LRP1B: variants seen among roughly 807,000 people sequenced by gnomAD.
LRP1B encodes the protein LDL receptor related protein 1B.
A neutral mutation model predicts 556.6 loss-of-function variants in LRP1B; 217 were observed. The ratio of observed to expected loss-of-function variants is 0.39; its 90% CI spans 0.35 to 0.44. The LOEUF (loss-of-function observed/expected upper bound fraction) is 0.44. LRP1B is among the 20% of genes least tolerant of loss of function. The pLI is 1.00. For missense variants in LRP1B, 5,053 were observed against 5,620.8 expected, an observed-to-expected ratio of 0.90 and a Z score of 3.23; for synonymous variants, 2,047 against 1,865.8, an observed-to-expected ratio of 1.10 and a Z score of -2.50.
intron 83 of LRP1B, among the ~76,000 whole-genome samples, chr2:140,304,715 C>T (rs2105014972): frequency 6.6e-6 from 1 of 152,282 alleles, no homozygotes; most frequent in Admixed American, 6.5e-5. Flanking sequence ...GTGTTTTAGA[C>T]ATGAAGTTCT....
At chr2:141,856,628 T>G (rs1698060859) in intron 1 of LRP1B, among the ~76,000 whole-genome samples, 1 of 152,148 alleles carries the variant, frequency 6.6e-6, no homozygotes, top group Non-Finnish European at 1.5e-5. Context: ...TTTTCTTGCA[T>G]TTTTAAAAAT....
At chr2:141,475,662 A>G (rs1466112414) in intron 3 of LRP1B, among the ~76,000 whole-genome samples, 2 of 152,056 alleles carry the variant, frequency 1.3e-5, no homozygotes, top group Non-Finnish European at 2.9e-5. Context: ...CTCCACAAAG[A>G]GAAGAATAAA....
intron 7 of LRP1B, among the ~76,000 whole-genome samples, chr2:141,101,304 C>A (rs142355506): frequency 6.6e-6 from 1 of 152,234 alleles, no homozygotes; most frequent in East Asian, 1.9e-4. Flanking sequence ...ACTTCCTTTA[C>A]AAGGTACTAG....
chr2:141,636,384 T>G (rs1056499128), intron 2 of LRP1B, among the ~76,000 whole-genome samples: 9 of 152,244 alleles, frequency 5.9e-5, no homozygotes, highest in African/African-American at 1.7e-4. Flanking sequence ...GAACTCAACC[T>G]TAGAAACAAT....
intron 2 of LRP1B, among the ~76,000 whole-genome samples, chr2:141,612,723 C>A (rs987855149): frequency 2.0e-5 from 3 of 152,186 alleles, no homozygotes; most frequent in Admixed American, 2.0e-4. Flanking sequence ...ATAGGTTCAA[C>A]CCAGTAAATT....
chr2:141,372,921 T>C (rs1356782800), intron 3 of LRP1B, among the ~76,000 whole-genome samples: 2 of 152,088 alleles, frequency 1.3e-5, no homozygotes, highest in South Asian at 4.1e-4. Context: ...ATTTGGTTCG[T>C]TCTTGTTTTT....
intron 35 of LRP1B, among the ~76,000 whole-genome samples, chr2:140,736,317 G>T (rs578065830): frequency 6.6e-6 from 1 of 152,228 alleles, no homozygotes; most frequent in Non-Finnish European, 1.5e-5. Flanking sequence ...ACTCTACTCA[G>T]CAGGTAATCT....
intron 41 of LRP1B, among the ~76,000 whole-genome samples, chr2:140,654,964 C>T (rs112892866): frequency 0.059 from 8,868 of 151,420 alleles, 297 homozygotes; most frequent in Admixed American, 0.076. Context: ...TAAGTTTCAC[C>T]CAAGGTTTCC....
intron 2 of LRP1B, among the ~76,000 whole-genome samples, chr2:141,572,650 G>T (rs1291484715): frequency 6.6e-6 from 1 of 152,094 alleles, no homozygotes; most frequent in Non-Finnish European, 1.5e-5. Flanking sequence ...TGTAAAAGGA[G>T]TCAAGACCCA....
At chr2:141,326,194 C>G (rs1687421332) in intron 3 of LRP1B, among the ~76,000 whole-genome samples, 1 of 152,022 alleles carries the variant, frequency 6.6e-6, no homozygotes, top group Non-Finnish European at 1.5e-5. Context: ...AAGACATGTG[C>G]TTGTCAAGAA....
chr2:141,315,781 T>A (rs965661722), intron 3 of LRP1B, among the ~76,000 whole-genome samples: 1 of 151,104 alleles, frequency 6.6e-6, no homozygotes, highest in Non-Finnish European at 1.5e-5. Context: ...CTTTCAGAAT[T>A]TTTTTTTGTT....
chr2:140,259,853 G>C (rs1681855618), intron 86 of LRP1B, among the ~76,000 whole-genome samples: 1 of 151,854 alleles, frequency 6.6e-6, no homozygotes, highest in Non-Finnish European at 1.5e-5. Flanking sequence ...AGAGGGAGAG[G>C]TCAATTGTAG....
At chr2:141,642,016 C>A (rs1357712850) in intron 2 of LRP1B, among the ~76,000 whole-genome samples, 4 of 151,872 alleles carry the variant, frequency 2.6e-5, no homozygotes, top group Admixed American at 2.0e-4. Context: ...AAACCCCCCC[C>A]CAAAAAACAA....
intron 86 of LRP1B, among the ~76,000 whole-genome samples, chr2:140,266,622 C>T (rs923209216): frequency 6.6e-6 from 1 of 151,878 alleles, no homozygotes; most frequent in African/African-American, 2.4e-5. Flanking sequence ...CTACCTTGGC[C>T]TTTTATTTTT....
intron 1 of LRP1B, among the ~76,000 whole-genome samples, chr2:142,012,142 T>C (rs1490787742): frequency 3.9e-5 from 6 of 152,132 alleles, no homozygotes; most frequent in Non-Finnish European, 8.8e-5. Context: ...GTAAGATTAA[T>C]CAAATTTTTA....
intron 79 of LRP1B, among the ~76,000 whole-genome samples, chr2:140,334,003 AAC>A (rs1373615827): frequency 6.6e-6 from 1 of 151,240 alleles, no homozygotes; most frequent in Non-Finnish European, 1.5e-5. Context: ...AGGCAAAAAA[AAC>A]AAAACAAAAC....
At chr2:140,873,938 GT>G (rs148679529) in intron 25 of LRP1B, among the ~76,000 whole-genome samples, 16 of 150,382 alleles carry the variant, frequency 1.1e-4, no homozygotes, top group East Asian at 7.8e-4. Flanking sequence ...AAATAAAGAG[GT>G]TTTTTTTTGG....
chr2:141,426,238 C>T (rs571787094), intron 3 of LRP1B, among the ~76,000 whole-genome samples: 9 of 151,738 alleles, frequency 5.9e-5, no homozygotes, highest in South Asian at 2.1e-4. Flanking sequence ...TGTAGATATG[C>T]GGCGTTATTT....
At chr2:140,977,073 T>A (rs1275120699) in intron 18 of LRP1B, among the ~76,000 whole-genome samples, 1 of 152,206 alleles carries the variant, frequency 6.6e-6, no homozygotes, top group Non-Finnish European at 1.5e-5. Context: ...AATGCCCTTA[T>A]ATTTAATATA....
Sources: gnomAD v4.1 joint callset for allele counts (sites outside exome capture counted in the v4.1 genomes callset) on GRCh38, gnomAD v4.1.1 for gene constraint, MANE v1.5 for transcripts, NCBI Gene and HGNC (gene_info 2026-07-23, HGNC 2026-07-21) for gene names.